ZNF799: variants seen among roughly 807,000 people sequenced by gnomAD.
The protein encoded by ZNF799 is zinc finger protein 14.
Under a neutral mutation model 41.0 loss-of-function variants are expected in ZNF799, and 28 were observed. The ratio of observed to expected loss-of-function variants is 0.68; its 90% confidence interval spans 0.51 to 0.94. The LOEUF (loss-of-function observed/expected upper bound fraction) is 0.94, where lower values mean the gene tolerates loss of function less well. ZNF799 is among the 40% of genes least tolerant of loss of function. The pLI is 0.00. For synonymous variants in ZNF799, 213 were observed against 252.9 expected (o/e 0.84, Z 1.50); for missense variants, 716 against 764.3 (o/e 0.94, Z 0.74).
chr19:12,401,094 G>A lies in ZNF799; in HGVS notation c.-24C>T, dbSNP rs774203663. Reference sequence around the variant, plus strand: ...ATTTCCCGACTTCCGCGGTGTCCCAGGTCCTCCGGACGGCTCCCGCTGCCA... The same window carrying A: ...ATTTCCCGACTTCCGCGGTGTCCCAAGTCCTCCGGACGGCTCCCGCTGCCA... On this transcript the variant is annotated 5_prime_UTR_variant, in exon 1 of 4. Coordinates refer to ENST00000430385, the MANE Select transcript of ZNF799 (RefSeq NM_001080821.3). The A allele has an allele frequency of 3.1e-6, 5 of 1,613,686 alleles. No individual in the cohort carries two copies. The highest frequency in any genetic ancestry group is 4.2e-6 in the Non-Finnish European group (5 of 1,179,844).
In ZNF799 at chr19:12,390,466, C is replaced by T; in HGVS notation, c.1932G>A (p.Ter644=). Residue 644 remains the stop codon, a stop_retained_variant, in exon 4 of 4, where the codon TAG becomes TAA. Transcript: ENST00000430385. ...SSLHRHKKTH[*] is the part of the protein sequence containing the mutation. Reference sequence around the variant, plus strand: ...ACATTCCATACATTTAGAGAGAATGCTAGTGAGTCTTTTTATGTCTATGCA... The same window carrying T: ...ACATTCCATACATTTAGAGAGAATGTTAGTGAGTCTTTTTATGTCTATGCA... 1.9e-6 allele frequency: 3 copies of T among 1,613,672 alleles called. No individual in the cohort carries two copies. Among genetic ancestry groups the T allele is most frequent in the Non-Finnish European group, 1.7e-6 (2 of 1,179,750 alleles).
At chr19:12,395,324 T>C (rs1164092514) in intron 1 of ZNF799, among the ~76,000 whole-genome samples, 1 of 152,044 alleles carries the variant, frequency 6.6e-6, no homozygotes, top group Non-Finnish European at 1.5e-5. Context: ...GTATTTTTAC[T>C]AGAGACGGGG....
chr19:12,395,607 T>C (rs1429629337), intron 1 of ZNF799, among the ~76,000 whole-genome samples: 1 of 152,182 alleles, frequency 6.6e-6, no homozygotes, highest in Non-Finnish European at 1.5e-5. Flanking sequence ...GAAAAAGAGC[T>C]GAAGAGAAAA....
intron 1 of ZNF799, chr19:12,400,768 G>C (rs1422846686): frequency 3.6e-6 from 2 of 559,650 alleles, no homozygotes; most frequent in Non-Finnish European, 6.3e-6. Context: ...GCAGTGAGTC[G>C]GGCCGCGAAC....
upstream of ZNF799, among the ~76,000 whole-genome samples, chr19:12,402,321 A>C (rs1248295766): frequency 6.6e-6 from 1 of 151,296 alleles, no homozygotes; most frequent in Non-Finnish European, 1.5e-5. Context: ...TTTTTGGTGG[A>C]GTCTTTAGGT....
upstream of ZNF799, chr19:12,401,363 A>T (rs931522983): frequency 3.7e-6 from 3 of 811,602 alleles, no homozygotes; most frequent in African/African-American, 3.5e-5. Flanking sequence ...GATCTTGCAC[A>T]GCTGAGTGGA....
upstream of ZNF799, among the ~76,000 whole-genome samples, chr19:12,404,642 C>A (rs966518786): frequency 2.0e-5 from 3 of 152,168 alleles, no homozygotes; most frequent in Non-Finnish European, 2.9e-5. Context: ...AAATCCTACT[C>A]ACTCAATTAT....
the ZNF799 span, among the ~76,000 whole-genome samples, chr19:12,408,172 A>G: frequency 2.0e-5 from 3 of 151,268 alleles, no homozygotes; most frequent in South Asian, 2.1e-4. Context: ...TTCTGTCTCA[A>G]AAGAAAAGAA....
the ZNF799 span, among the ~76,000 whole-genome samples, chr19:12,413,383 G>A: frequency 1.3e-5 from 2 of 152,150 alleles, no homozygotes; most frequent in African/African-American, 4.8e-5. Context: ...TTGCTGGTGT[G>A]TCTTCCTGGG....
chr19:12,407,402 G>A, the ZNF799 span, among the ~76,000 whole-genome samples: 2 of 151,216 alleles, frequency 1.3e-5, no homozygotes, highest in African/African-American at 4.9e-5. Flanking sequence ...GATGGAGGCT[G>A]CAGTTAGCTA....
chr19:12,405,927 C>T (rs1201402339), upstream of ZNF799, among the ~76,000 whole-genome samples: 1 of 151,682 alleles, frequency 6.6e-6, no homozygotes, highest in East Asian at 1.9e-4. Flanking sequence ...GTAATCCCAG[C>T]ACTTTGGGAG....
rs144328229 is a variant in ZNF799, at chr19:12,401,184, G to T, written c.-114C>A. 2.7e-3 allele frequency: 4,303 copies of T among 1,586,430 alleles called. 14 individuals carry two copies. The highest frequency in any genetic ancestry group is 3.0e-3 in the Middle Eastern group (18 of 5,968). ...CAGGTCGTCTCTTAGCTACAGAGCC[G>T]AGCACCGAGCGCCCAGCGCAGGTGG... On this transcript the variant is annotated 5_prime_UTR_variant, in exon 1 of 4. Transcript: ENST00000430385.
At chr19:12,399,628 G>A (rs1214233830) in intron 1 of ZNF799, among the ~76,000 whole-genome samples, 1 of 146,820 alleles carries the variant, frequency 6.8e-6, no homozygotes, top group Non-Finnish European at 1.5e-5. Context: ...AAGAGACTTG[G>A]CAGCTGTGGA....
rs374091845 is a variant in ZNF799 at position 12,391,745 on chromosome 19, G to T, written c.653C>A (p.Thr218Lys). The T allele has an allele frequency of 6.2e-7, 1 of 1,614,066 alleles. No individual in the cohort carries two copies. Among genetic ancestry groups the T allele is most frequent in the East Asian group, 2.2e-5 (1 of 44,870 alleles). The change falls in exon 4 of 4, where the codon ACG (threonine) becomes AAG (lysine). Residue 218 changes from threonine (T) to lysine (K), a missense_variant. Around this residue, in one of 2 missense-constraint regions of ZNF799, gnomAD observed 698 missense variants for 713.6 expected, o/e 0.98. Coordinates refer to ENST00000430385, the MANE Select transcript of ZNF799 (RefSeq NM_001080821.3). ...TTCATATGGTTTCTCTCCAGTGTGC[G>T]TTCTCTCATGCATATGTAATAAACT... ...WPSLLHMHERTHTGEKPYECK... is the reference protein window; with the variant it reads ...WPSLLHMHERKHTGEKPYECK...
At chr19:12,403,463 A>C (rs1318639916), upstream of ZNF799, among the ~76,000 whole-genome samples, 4 of 150,202 alleles carry the variant, frequency 2.7e-5, no homozygotes, top group Admixed American at 6.6e-5. Flanking sequence ...TTTTCTACTA[A>C]TTTTGGGTTT....
chr19:12,414,458 T>C, the ZNF799 span, among the ~76,000 whole-genome samples: 1 of 152,094 alleles, frequency 6.6e-6, no homozygotes, highest in Non-Finnish European at 1.5e-5. Context: ...CACTGTCCAG[T>C]GGAGCCATCC....
chr19:12,402,360 C>T (rs1001725722), upstream of ZNF799, among the ~76,000 whole-genome samples: 35 of 119,436 alleles, frequency 2.9e-4, no homozygotes, highest in African/African-American at 8.8e-4. Context: ...ATATTATATG[C>T]AAACCAGGAT....
intron 1 of ZNF799, chr19:12,394,671 G>C: frequency 1.0e-6 from 1 of 985,240 alleles, no homozygotes; most frequent in African/African-American, 1.7e-5. Context: ...AAGAAAGAAG[G>C]GGAAAGACTG....
At position 12,390,376 on chromosome 19, in the gene ZNF799, G is replaced by A; in HGVS notation, c.*90C>T. 6.3e-7 allele frequency: 1 copy of A among 1,592,254 alleles called. No individual in the cohort carries two copies. Among genetic ancestry groups the A allele is most frequent in the African/African-American group, 1.4e-5 (1 of 73,994 alleles). Reference sequence around the variant, plus strand: ...GTTTTACCAAGTGCTTACATTCACAGGGTCTATCTCCAATGTGTTTCGTAC... The same window carrying A: ...GTTTTACCAAGTGCTTACATTCACAAGGTCTATCTCCAATGTGTTTCGTAC... On this transcript the variant is annotated 3_prime_UTR_variant, in exon 4 of 4. Transcript: ENST00000430385.
Sources: allele counts gnomAD v4.1 joint callset (sites outside exome capture counted in the v4.1 genomes callset), GRCh38; gene constraint gnomAD v4.1.1; regional missense constraint gnomAD v4.1.1; transcripts MANE v1.5; gene names NCBI Gene and HGNC (gene_info 2026-07-23, HGNC 2026-07-21).